Variants in LYPD1 observed in about 807,000 individuals in gnomAD.
LYPD1 encodes the protein LY6/PLAUR domain containing 1, also known as ly6/PLAUR domain-containing protein 1.
Under a neutral mutation model 14.2 loss-of-function variants are expected in LYPD1, and 14 were observed. The ratio of observed to expected loss-of-function variants is 0.99; its 90% CI spans 0.65 to 1.54. The LOEUF is 1.54. Ranked by LOEUF, LYPD1 falls within the 40% of genes most tolerant of loss-of-function variation. The pLI, the probability that LYPD1 is intolerant of heterozygous loss-of-function variation, is 0.00. For synonymous variants in LYPD1, 85 were observed against 70.6 expected (o/e 1.20, Z -1.02); for missense variants, 165 against 175.7 (o/e 0.94, Z 0.34).
At position 132,645,047 on chromosome 2, in the gene LYPD1, C is replaced by T; in HGVS notation, c.*998G>A. 1.9e-6 allele frequency: 3 copies of T among 1,557,508 alleles called. No homozygotes were observed. The highest frequency in any genetic ancestry group is 2.6e-6 in the Non-Finnish European group (3 of 1,147,764). ...TATGGTTTTATTCATTTACTGTGTTCTCATGCTGTGTTTTTCTTTTCTCTG... is the reference window on the plus strand; with the variant it reads ...TATGGTTTTATTCATTTACTGTGTTTTCATGCTGTGTTTTTCTTTTCTCTG... On this transcript the variant is annotated 3_prime_UTR_variant, in exon 3 of 3. Coordinates refer to ENST00000397463, the MANE Select transcript of LYPD1 (RefSeq NM_144586.7).
chr2:132,668,373 C>A, intron 2 of LYPD1, 27 bp downstream of exon 2: 1 of 1,592,468 alleles, frequency 6.3e-7, no homozygotes, highest in Non-Finnish European at 8.6e-7. Flanking sequence ...GGCTTAAGAG[C>A]GAGGGGGAGG....
Position 132,669,143 on chromosome 2 carries a change from C to T in LYPD1, c.53-606G>A, listed in dbSNP as rs1301334689. The stretch of plus-strand genomic sequence containing the variant: ...TCGGCGGCCCTTCTCCGGGGCCGTC[C>T]CCGCGGCGACCCGAATGGCCACAGA... On this transcript the variant is annotated intron_variant, in intron 1 of 2. Coordinates refer to ENST00000397463, the MANE Select transcript of LYPD1 (RefSeq NM_144586.7). The surrounding 1 kb of genome is among the most constrained non-coding windows in gnomAD (Gnocchi z 4.3). 1.3e-5 allele frequency among the ~76,000 whole-genome samples: 2 copies of T among 152,070 alleles called. No individual in the cohort carries two copies. Among genetic ancestry groups the T allele is most frequent in the African/African-American group, 4.8e-5 (2 of 41,412 alleles).
In LYPD1 at chr2:132,645,415, C is replaced by G. The variant is rs1311732907; in HGVS notation, c.*630G>C. On this transcript the variant is annotated 3_prime_UTR_variant, in exon 3 of 3. Transcript: ENST00000397463. ...CGACAGCGCCCGCTTTGTGCAGCGC[C>G]CGTTGCTCTTCGCGTCCCGGCGCCA... 3 of 1,613,522 alleles carry G rather than the reference C, an allele frequency of 1.9e-6. No homozygotes were observed. The highest frequency in any genetic ancestry group is 1.3e-5 in the African/African-American group (1 of 74,936).
intron 1 of LYPD1, 141 bp from the exon 2 acceptor site, chr2:132,668,678 G>C: frequency 2.4e-6 from 3 of 1,245,408 alleles, no homozygotes; most frequent in Non-Finnish European, 3.2e-6. Flanking sequence ...GGTAGGGCTG[G>C]ATGTGGCTGA....
intron 2 of LYPD1, among the ~76,000 whole-genome samples, chr2:132,653,338 A>G (rs1682427365): frequency 6.6e-6 from 1 of 152,194 alleles, no homozygotes; most frequent in Admixed American, 6.5e-5. Context: ...CCAACTTCCC[A>G]ATGGACAGAG....
At chr2:132,653,774 G>A (rs770049812) in intron 2 of LYPD1, among the ~76,000 whole-genome samples, 2 of 152,136 alleles carry the variant, frequency 1.3e-5, no homozygotes, top group African/African-American at 2.4e-5. Context: ...GACAGCATGC[G>A]CCCCTTGCTA....
In LYPD1 at chr2:132,664,045, CTG is replaced by C. The variant is rs112365623; in HGVS notation, c.190+4353_190+4354del. Among the ~76,000 whole-genome samples the C allele has an allele frequency of 5.3e-5, 8 of 151,660 alleles. No homozygotes were observed. In the East Asian group the frequency reaches 1.2e-3, roughly 22 times the overall value. The stretch of plus-strand genomic sequence containing the variant: ...TATATCCACACACACAAATATATGA[CTG>C]TGTGTGTGTGTGCACATATGTGTGC... On this transcript the variant is annotated intron_variant, in intron 2 of 2. Transcript: ENST00000397463.
At position 132,644,691 on chromosome 2, in the gene LYPD1, C is replaced by G. The variant is rs1252503917; in HGVS notation, c.*1354G>C. Among the ~76,000 whole-genome samples, 1 of 133,848 alleles carries G rather than the reference C, an allele frequency of 7.5e-6. No homozygotes were observed. The highest frequency in any genetic ancestry group is 1.7e-5 in the Non-Finnish European group (1 of 59,998). The allele number at this position is 133,848 out of a possible 152,430, so 87.8% of individuals were successfully genotyped here. A position where few individuals can be genotyped will look rare whatever the true frequency, so the allele number is the denominator to read the frequency against. On this transcript the variant is annotated 3_prime_UTR_variant, in exon 3 of 3. Coordinates refer to ENST00000397463, the MANE Select transcript of LYPD1 (RefSeq NM_144586.7). The stretch of plus-strand genomic sequence containing the variant: ...GCAGACATCCTTTAAAATACAAACA[C>G]TGCTTTATCTAATGCAGCTATACTG...
chr2:132,644,989 C>A lies in LYPD1; in HGVS notation c.*1056G>T, dbSNP rs1681974883. 3.2e-5 allele frequency: 39 copies of A among 1,237,010 alleles called. 1 individual carries two copies. Among genetic ancestry groups the A allele is most frequent in the Non-Finnish European group, 4.2e-5 (38 of 900,706 alleles). The allele number at this position is 1,237,010 out of a possible 1,614,324, so 76.6% of individuals were successfully genotyped here. A position where few individuals can be genotyped will look rare whatever the true frequency, so the allele number is the denominator to read the frequency against. The stretch of plus-strand genomic sequence containing the variant: ...CTGAAAAATTGGTACCATTTCCTGG[C>A]CAGTAAGCACAGAACAGAGGGGCTA... On this transcript the variant is annotated 3_prime_UTR_variant, in exon 3 of 3. Transcript: ENST00000397463.
Position 132,645,506 on chromosome 2 carries a change from C to A in LYPD1, c.*539G>T, listed in dbSNP as rs552751934. On this transcript the variant is annotated 3_prime_UTR_variant, in exon 3 of 3. Coordinates refer to ENST00000397463, the MANE Select transcript of LYPD1 (RefSeq NM_144586.7). ...TTTCAGAGCGAGGCCGAGCCCCAGT[C>A]TAAGTCCCAGTCATTGAGTCTCGAG... The A allele has an allele frequency of 6.2e-7, 1 of 1,613,210 alleles. No individual in the cohort carries two copies. Among genetic ancestry groups the A allele is most frequent in the African/African-American group, 1.3e-5 (1 of 74,266 alleles).
intron 2 of LYPD1, chr2:132,646,528 A>G: frequency 2.6e-6 from 1 of 380,696 alleles, no homozygotes; most frequent in Non-Finnish European, 4.6e-6. Context: ...ACCTGTGAAT[A>G]CCTGTTAATA....
intron 2 of LYPD1, among the ~76,000 whole-genome samples, chr2:132,653,836 A>T (rs1682443988): frequency 6.6e-6 from 1 of 152,224 alleles, no homozygotes; most frequent in Non-Finnish European, 1.5e-5. Context: ...CAAAAATGCA[A>T]AACCTCTATC....
At chr2:132,654,278 G>A (rs571632539) in intron 2 of LYPD1, among the ~76,000 whole-genome samples, 15 of 152,002 alleles carry the variant, frequency 9.9e-5, no homozygotes, top group African/African-American at 3.6e-4. Flanking sequence ...GCGCTTGCCT[G>A]TGGTCCCAGC....
intron 2 of LYPD1, among the ~76,000 whole-genome samples, chr2:132,657,821 ATGG>A (rs570120702): frequency 1.6e-4 from 25 of 152,294 alleles, no homozygotes; most frequent in African/African-American, 5.5e-4. Context: ...AGGTAAAATA[ATGG>A]TGATTTTCGG....
chr2:132,662,333 G>A (rs1407249685), intron 2 of LYPD1, among the ~76,000 whole-genome samples: 1 of 152,184 alleles, frequency 6.6e-6, no homozygotes. Flanking sequence ...AAAACAGTCA[G>A]CCTGTTTCTA....
chr2:132,661,297 G>A lies in LYPD1; in HGVS notation c.190+7103C>T, dbSNP rs77807626. On this transcript the variant is annotated intron_variant, in intron 2 of 2. Coordinates refer to ENST00000397463, the MANE Select transcript of LYPD1 (RefSeq NM_144586.7). ...TAGATGGGCAAGAATGGACAGTCCA[G>A]TACATGGCACCAAGCAGATGTTTGA... Among the ~76,000 whole-genome samples the A allele has an allele frequency of 8.7e-4, 132 of 152,338 alleles. 1 individual carries two copies. The East Asian group carries it at 0.019, about 22-fold the overall frequency.
rs577424444 is a variant in LYPD1, at chr2:132,669,807, T to C, written c.52+74A>G. Reference sequence around the variant, plus strand: ...AGGGCTGGCCCCGAGGTGGGCGCCTTGGGGGCAAAAGGGCTGGCGGGTAGA... The same window carrying C: ...AGGGCTGGCCCCGAGGTGGGCGCCTCGGGGGCAAAAGGGCTGGCGGGTAGA... On this transcript the variant is annotated intron_variant, in intron 1 of 2. Transcript: ENST00000397463. The surrounding 1 kb of genome is among the most constrained non-coding windows in gnomAD (Gnocchi z 4.3). 1.9e-6 allele frequency: 3 copies of C among 1,583,700 alleles called. No individual in the cohort carries two copies. Among genetic ancestry groups the C allele is most frequent in the African/African-American group, 1.4e-5 (1 of 73,024 alleles).
chr2:132,645,392 ACAGCGCCCGCTTTGTG>A lies in LYPD1; in HGVS notation c.*637_*652del, dbSNP rs761938602. The A allele has an allele frequency of 4.3e-6, 7 of 1,613,642 alleles. No homozygotes were observed. The highest frequency in any genetic ancestry group is 1.1e-5 in the South Asian group (1 of 91,072). On this transcript the variant is annotated 3_prime_UTR_variant, in exon 3 of 3. Coordinates refer to ENST00000397463, the MANE Select transcript of LYPD1 (RefSeq NM_144586.7). ...CGCGTACATGCGCACTCCACCACCG[ACAGCGCCCGCTTTGTG>A]CAGCGCCCGTTGCTCTTCGCGTCCC...
At chr2:132,667,728 G>T (rs115806661) in intron 2 of LYPD1, among the ~76,000 whole-genome samples, 5 of 152,296 alleles carry the variant, frequency 3.3e-5, no homozygotes, top group African/African-American at 1.2e-4. Context: ...TGAGGAGAGG[G>T]TTGGAAAGTT....
Sources: gnomAD v4.1 joint callset for allele counts (sites outside exome capture counted in the v4.1 genomes callset) on GRCh38, gnomAD v4.1.1 for gene constraint, Gnocchi (gnomAD v3.1) non-coding constraint, MANE v1.5 for transcripts, NCBI Gene and HGNC (gene_info 2026-07-23, HGNC 2026-07-21) for gene names.